Variants in MYO16 observed in about 807,000 individuals in gnomAD.
MYO16 encodes the protein myosin XVI.
In MYO16, 94 loss-of-function variants were observed where a neutral mutation model predicts 205.3. The ratio of observed to expected loss-of-function variants is 0.46; its 90% CI spans 0.39 to 0.54. MYO16 has a LOEUF of 0.54. MYO16 is among the 20% of genes least tolerant of loss of function. The pLI, the probability that MYO16 is intolerant of heterozygous loss-of-function variation, is 0.00. For missense variants in MYO16, 2,315 were observed against 2,387.5 expected (o/e 0.97, Z 0.63); for synonymous variants, 988 against 954.0 (o/e 1.04, Z -0.66).
chr13:108,607,077 C>T (rs1878987789), intron 1 of MYO16, among the ~76,000 whole-genome samples: 1 of 152,172 alleles, frequency 6.6e-6, no homozygotes, highest in Non-Finnish European at 1.5e-5. Flanking sequence ...TTACCCAATG[C>T]CTGTATCCCC....
At chr13:108,943,552 G>T (rs536414253) in intron 16 of MYO16, among the ~76,000 whole-genome samples, 1 of 151,998 alleles carries the variant, frequency 6.6e-6, no homozygotes, top group Non-Finnish European at 1.5e-5. Flanking sequence ...CTGCCTCCTG[G>T]GTTTAAGCGA....
chr13:108,625,514 T>C (rs143583298), upstream of MYO16, among the ~76,000 whole-genome samples: 187 of 152,338 alleles, frequency 1.2e-3, no homozygotes, highest in African/African-American at 4.2e-3. Flanking sequence ...ACCGGAGTTA[T>C]GTTCCCAGGA....
chr13:108,803,970 T>C (rs545043468), intron 6 of MYO16, among the ~76,000 whole-genome samples: 6 of 152,276 alleles, frequency 3.9e-5, no homozygotes, highest in African/African-American at 1.4e-4. Context: ...GAATGCAAGA[T>C]GTATTAGGAG....
At chr13:108,909,506 C>T (rs1881161119) in intron 15 of MYO16, among the ~76,000 whole-genome samples, 1 of 151,744 alleles carries the variant, frequency 6.6e-6, no homozygotes, top group Admixed American at 6.6e-5. Flanking sequence ...AGTGGGTTTC[C>T]TCCAGTGTTT....
intron 31 of MYO16, among the ~76,000 whole-genome samples, chr13:109,136,847 A>G (rs1052879184): frequency 1.4e-5 from 2 of 146,698 alleles, no homozygotes; most frequent in Non-Finnish European, 3.0e-5. Flanking sequence ...TTTTGTTTGT[A>G]CAGCAGCAGT....
chr13:108,790,978 A>C (rs1886599090), intron 5 of MYO16, among the ~76,000 whole-genome samples: 1 of 152,240 alleles, frequency 6.6e-6, no homozygotes, highest in Non-Finnish European at 1.5e-5. Context: ...TAACATCCTA[A>C]AAGTTAACAA....
intron 2 of MYO16, among the ~76,000 whole-genome samples, chr13:108,711,095 G>C (rs1430454789): frequency 6.6e-6 from 1 of 152,148 alleles, no homozygotes; most frequent in Non-Finnish European, 1.5e-5. Context: ...GGGAGGCAGA[G>C]AAAGGGTGGG....
At chr13:108,781,771 C>T (rs968876673) in intron 4 of MYO16, among the ~76,000 whole-genome samples, 1 of 152,132 alleles carries the variant, frequency 6.6e-6, no homozygotes, top group Non-Finnish European at 1.5e-5. Context: ...ATCCTGGGGG[C>T]CGGTCTTTCC....
intron 16 of MYO16, among the ~76,000 whole-genome samples, chr13:108,945,469 T>A (rs1882901468): frequency 6.6e-6 from 1 of 152,146 alleles, no homozygotes; most frequent in Admixed American, 6.5e-5. Context: ...CTGAAACACA[T>A]CCTTGACTAG....
chr13:109,078,994 C>T (rs1489491845), intron 27 of MYO16, among the ~76,000 whole-genome samples: 1 of 152,112 alleles, frequency 6.6e-6, no homozygotes, highest in Non-Finnish European at 1.5e-5. Flanking sequence ...GAGGGAGCCT[C>T]TGAAAATCTC....
At chr13:108,757,704 C>A (rs941711665) in intron 4 of MYO16, among the ~76,000 whole-genome samples, 4 of 152,042 alleles carry the variant, frequency 2.6e-5, no homozygotes, top group Admixed American at 6.6e-5. Flanking sequence ...TGTTCAATTC[C>A]CACCTATGAG....
chr13:108,836,344 G>T (rs774214072), intron 9 of MYO16, among the ~76,000 whole-genome samples: 1 of 152,200 alleles, frequency 6.6e-6, no homozygotes, highest in South Asian at 2.1e-4. Context: ...AGGATGTATG[G>T]AAACATCTGA....
chr13:108,560,847 C>G, the MYO16 span, among the ~76,000 whole-genome samples: 1 of 152,034 alleles, frequency 6.6e-6, no homozygotes, highest in Non-Finnish European at 1.5e-5. Flanking sequence ...CATTTTAGGA[C>G]TTTAGGAGCC....
intron 2 of MYO16, among the ~76,000 whole-genome samples, chr13:108,703,748 G>C (rs994959327): frequency 3.9e-5 from 6 of 152,034 alleles, no homozygotes; most frequent in Non-Finnish European, 8.8e-5. Flanking sequence ...CTTACTAGAT[G>C]GAATGTTATA....
chr13:108,997,025 T>C (rs1040724738), intron 21 of MYO16, among the ~76,000 whole-genome samples: 4 of 152,254 alleles, frequency 2.6e-5, no homozygotes, highest in African/African-American at 9.6e-5. Context: ...GTGCATTGGC[T>C]CCTGTCTGTA....
intron 16 of MYO16, among the ~76,000 whole-genome samples, chr13:108,931,334 G>A (rs1476101463): frequency 1.3e-5 from 2 of 152,018 alleles, no homozygotes; most frequent in African/African-American, 2.4e-5. Flanking sequence ...CATGCATCTC[G>A]CCAAACATGT....
intron 14 of MYO16, among the ~76,000 whole-genome samples, chr13:108,894,361 C>A (rs1007984888): frequency 6.6e-6 from 1 of 152,134 alleles, no homozygotes; most frequent in South Asian, 2.1e-4. Context: ...AGTAGAGAAA[C>A]TCTTCCTGTG....
intron 1 of MYO16, among the ~76,000 whole-genome samples, chr13:108,637,633 G>C (rs1880316473): frequency 6.6e-6 from 1 of 152,134 alleles, no homozygotes; most frequent in East Asian, 1.9e-4. Flanking sequence ...CCAGCACTTT[G>C]GGAGGCCAAG....
intron 32 of MYO16, among the ~76,000 whole-genome samples, chr13:109,161,040 C>T (rs1170989792): frequency 1.3e-5 from 2 of 152,178 alleles, no homozygotes; most frequent in Non-Finnish European, 2.9e-5. Flanking sequence ...CAAGTCAGGG[C>T]ACGGCTGCTT....
Sources: allele counts gnomAD v4.1 joint callset (sites outside exome capture counted in the v4.1 genomes callset), GRCh38; gene constraint gnomAD v4.1.1; transcripts MANE v1.5; gene names NCBI Gene and HGNC (gene_info 2026-07-23, HGNC 2026-07-21).